Variants in GRID2 observed in about 807,000 individuals in gnomAD.
The protein encoded by GRID2 is glutamate ionotropic receptor delta type subunit 2.
GRID2 carries 33 observed loss-of-function variants against 114.8 expected under a neutral mutation model. The observed-to-expected ratio is 0.29, with a 90% CI of 0.22 to 0.38. GRID2 has a LOEUF of 0.38. Among genes scored for constraint, GRID2 ranks in the 10% least tolerant of loss-of-function variants. GRID2 has a pLI of 1.00. For missense variants in GRID2, 1,184 were observed against 1,257.7 expected (o/e 0.94, Z 0.89); for synonymous variants, 505 against 449.9 (o/e 1.12, Z -1.55).
intron 4 of GRID2, among the ~76,000 whole-genome samples, chr4:93,191,729 C>G (rs1456313914): frequency 6.6e-6 from 1 of 152,060 alleles, no homozygotes. Context: ...TTTATCCAAG[C>G]CCAATCTGCC....
At chr4:93,424,747 AT>A (rs550664345) in intron 10 of GRID2, among the ~76,000 whole-genome samples, 1 of 151,854 alleles carries the variant, frequency 6.6e-6, no homozygotes, top group African/African-American at 2.4e-5. Context: ...TATTTCTTCA[AT>A]TTTTTTTACC....
chr4:92,734,263 T>C (rs1363804888), intron 2 of GRID2, among the ~76,000 whole-genome samples: 1 of 151,966 alleles, frequency 6.6e-6, no homozygotes, highest in Admixed American at 6.6e-5. Flanking sequence ...ATCACTCTAT[T>C]TTTTTCTTTT....
rs1011231067 is a variant in GRID2 at position 92,406,386 on chromosome 4, C to A, written c.88+101642C>A. Among the ~76,000 whole-genome samples, 11 of 152,098 alleles carry A rather than the reference C, an allele frequency of 7.2e-5. 1 individual carries two copies. Among genetic ancestry groups the A allele is most frequent in the Admixed American group, 7.2e-4 (11 of 15,262 alleles). On this transcript the variant is annotated intron_variant, in intron 1 of 15. Transcript: ENST00000282020. ...AAAAGTTACTATCATTATAATGTTA[C>A]AGTCAAATGCCCAGTAATGTACATT...
At chr4:92,748,482 A>T (rs1010674486) in intron 2 of GRID2, among the ~76,000 whole-genome samples, 1 of 152,016 alleles carries the variant, frequency 6.6e-6, no homozygotes, top group Non-Finnish European at 1.5e-5. Flanking sequence ...ATGTGGTAGT[A>T]AATGTTTTGC....
At chr4:92,585,969 C>T (rs1346230106) in intron 1 of GRID2, among the ~76,000 whole-genome samples, 2 of 151,556 alleles carry the variant, frequency 1.3e-5, no homozygotes, top group African/African-American at 2.4e-5. Context: ...TATATTTTAT[C>T]CATACATCTG....
intron 3 of GRID2, among the ~76,000 whole-genome samples, chr4:93,104,114 C>T (rs1200338743): frequency 6.6e-6 from 1 of 151,888 alleles, no homozygotes; most frequent in Non-Finnish European, 1.5e-5. Context: ...TGTTTAGCTT[C>T]CGCTTATTAG....
In GRID2 at chr4:93,195,571, C is replaced by T. The variant is rs148939932; in HGVS notation, c.736-11833C>T. 5.9e-5 allele frequency among the ~76,000 whole-genome samples: 9 copies of T among 152,262 alleles called. No homozygotes were observed. The East Asian group carries it at 1.3e-3, about 23-fold the overall frequency. ...ACGTCATCAGGCAGAGAAGATGAGA[C>T]ACAGCACTTGAGGTGGGACATGTCA... On this transcript the variant is annotated intron_variant, in intron 4 of 15. Transcript: ENST00000282020.
At chr4:92,839,047 A>G (rs1341632266) in intron 2 of GRID2, among the ~76,000 whole-genome samples, 1 of 152,056 alleles carries the variant, frequency 6.6e-6, no homozygotes, top group Admixed American at 6.6e-5. Context: ...CGTCCTGCTT[A>G]TGAATTGGTG....
At chr4:93,685,738 A>T (rs1726017961) in intron 14 of GRID2, among the ~76,000 whole-genome samples, 1 of 152,036 alleles carries the variant, frequency 6.6e-6, no homozygotes, top group Admixed American at 6.6e-5. Flanking sequence ...ACCAAGTTTT[A>T]GACACTTATA....
chr4:92,909,508 A>T (rs949729895), intron 2 of GRID2, among the ~76,000 whole-genome samples: 3 of 152,094 alleles, frequency 2.0e-5, no homozygotes, highest in Non-Finnish European at 2.9e-5. Flanking sequence ...CTTTAATTTT[A>T]AACCACTCCC....
intron 8 of GRID2, among the ~76,000 whole-genome samples, chr4:93,383,971 T>C (rs867512972): frequency 6.6e-6 from 1 of 152,146 alleles, no homozygotes; most frequent in Admixed American, 6.6e-5. Context: ...GCTTCTATAA[T>C]AAAATACCTT....
chr4:92,862,938 A>G (rs1744628658), intron 2 of GRID2, among the ~76,000 whole-genome samples: 1 of 151,988 alleles, frequency 6.6e-6, no homozygotes, highest in Non-Finnish European at 1.5e-5. Context: ...TAAATGCACA[A>G]CAACTTTTAG....
intron 8 of GRID2, among the ~76,000 whole-genome samples, chr4:93,339,706 A>G (rs949061828): frequency 1.3e-5 from 2 of 152,156 alleles, no homozygotes; most frequent in African/African-American, 2.4e-5. Flanking sequence ...ATTTTCATAC[A>G]GCTATAAAGA....
chr4:93,183,240 T>A lies in GRID2; in HGVS notation c.736-24164T>A, dbSNP rs142854096. ...GGTGATCCATTTGGGTAAAATTTTTTAAAAAACTCTAACTTCACAAAATGT... is the reference window on the plus strand; with the variant it reads ...GGTGATCCATTTGGGTAAAATTTTTAAAAAAACTCTAACTTCACAAAATGT... On this transcript the variant is annotated intron_variant, in intron 4 of 15. Coordinates refer to ENST00000282020, the MANE Select transcript of GRID2 (RefSeq NM_001510.4). Among the ~76,000 whole-genome samples the A allele has an allele frequency of 5.4e-4, 82 of 152,320 alleles. No homozygotes were observed. The East Asian group carries it at 0.012, about 23-fold the overall frequency.
chr4:93,683,683 G>A (rs1343299572), intron 14 of GRID2, among the ~76,000 whole-genome samples: 2 of 152,050 alleles, frequency 1.3e-5, no homozygotes, highest in African/African-American at 2.4e-5. Context: ...TTTTGTTACA[G>A]TTCTCTTCAT....
intron 14 of GRID2, among the ~76,000 whole-genome samples, chr4:93,679,860 T>A (rs1225182483): frequency 6.6e-6 from 1 of 150,522 alleles, no homozygotes; most frequent in Admixed American, 6.6e-5. Flanking sequence ...ACATCACAAT[T>A]AAAAGAACTA....
Position 93,232,634 on chromosome 4 carries a change from A to G in GRID2, c.1126-5737A>G, listed in dbSNP as rs150878244. Among the ~76,000 whole-genome samples the G allele has an allele frequency of 1.4e-3, 219 of 151,440 alleles. 2 individuals carry two copies. The highest frequency in any genetic ancestry group is 0.012 in the Admixed American group (175 of 15,162). On this transcript the variant is annotated intron_variant, in intron 7 of 15. Coordinates refer to ENST00000282020, the MANE Select transcript of GRID2 (RefSeq NM_001510.4). ...GACCAATTTCTGTTAAAATTTATGT[A>G]ATTATTTTTAATATGGAATGTGGGA...
At chr4:92,384,577 A>ATATGT (rs1560599086) in intron 1 of GRID2, among the ~76,000 whole-genome samples, 1 of 49,804 alleles carries the variant, frequency 2.0e-5, no homozygotes, top group African/African-American at 9.5e-5. Flanking sequence ...TAATATATAA[A>ATATGT]ATATATTATA....
intron 4 of GRID2, among the ~76,000 whole-genome samples, chr4:93,157,093 T>G (rs1737255562): frequency 6.6e-6 from 1 of 151,738 alleles, no homozygotes; most frequent in African/African-American, 2.4e-5. Flanking sequence ...TCTGTTAAAG[T>G]GAAATTTTGT....
Sources: allele counts gnomAD v4.1 joint callset (sites outside exome capture counted in the v4.1 genomes callset), GRCh38; gene constraint gnomAD v4.1.1; transcripts MANE v1.5; gene names NCBI Gene and HGNC (gene_info 2026-07-23, HGNC 2026-07-21).